NELL2: variants seen among roughly 807,000 people sequenced by gnomAD.
NELL2 encodes neural EGFL like 2.
A neutral mutation model predicts 109.6 loss-of-function variants in NELL2; 41 were observed. The observed-to-expected ratio is 0.37, with a 90% CI of 0.29 to 0.49. The LOEUF is 0.49. NELL2 is among the 20% of genes least tolerant of loss of function. The pLI, the probability that NELL2 is intolerant of heterozygous loss-of-function variation, is 0.98. For missense variants in NELL2, 900 were observed against 1,008.3 expected, an observed-to-expected ratio of 0.89 and a Z score of 1.45; for synonymous variants, 355 against 344.7, an observed-to-expected ratio of 1.03 and a Z score of -0.33.
intron 11 of NELL2, among the ~76,000 whole-genome samples, chr12:44,710,379 T>G (rs1199969565): frequency 6.6e-6 from 1 of 152,146 alleles, no homozygotes; most frequent in African/African-American, 2.4e-5. Context: ...CAGTTATAAG[T>G]ACCAGCTACA....
At chr12:44,549,643 G>A (rs1343624562) in intron 15 of NELL2, among the ~76,000 whole-genome samples, 2 of 151,952 alleles carry the variant, frequency 1.3e-5, no homozygotes, top group Non-Finnish European at 2.9e-5. Context: ...TGAAAAAGAA[G>A]TTCAGAAAAC....
chr12:44,694,141 T>G (rs886566647), intron 12 of NELL2, among the ~76,000 whole-genome samples: 1 of 152,208 alleles, frequency 6.6e-6, no homozygotes, highest in African/African-American at 2.4e-5. Flanking sequence ...TGGGTGTGTT[T>G]GTGAGGGTGT....
chr12:44,876,580 A>T, upstream of NELL2: 1 of 1,527,834 alleles, frequency 6.5e-7, no homozygotes, highest in Non-Finnish European at 8.8e-7. Context: ...CCAAGGTGCT[A>T]AGTTGATGGG....
chr12:44,576,691 C>T (rs1344677735), intron 15 of NELL2, among the ~76,000 whole-genome samples: 1 of 152,152 alleles, frequency 6.6e-6, no homozygotes, highest in Non-Finnish European at 1.5e-5. Flanking sequence ...CAATGCTATT[C>T]CTCCCCCCAC....
At chr12:44,858,180 A>G (rs1944737751) in intron 2 of NELL2, among the ~76,000 whole-genome samples, 1 of 152,204 alleles carries the variant, frequency 6.6e-6, no homozygotes, top group East Asian at 1.9e-4. Flanking sequence ...TGAGGCAGAA[A>G]TAAGTAACAA....
Position 44,875,798 on chromosome 12 carries a change from G to T in NELL2, c.55+17C>A, listed in dbSNP as rs1474359198. 12 of 1,613,074 alleles carry T rather than the reference G, an allele frequency of 7.4e-6. No homozygotes were observed. Among genetic ancestry groups the T allele is most frequent in the Admixed American group, 5.0e-5 (3 of 60,002 alleles). On this transcript the variant is annotated intron_variant, in intron 1 of 19. Coordinates refer to ENST00000429094, the MANE Select transcript of NELL2 (RefSeq NM_001145108.2). ...GGAGCCATCCCTTTCCCCAGCCCCA[G>T]CTCTGCGGCCACTCACCTGCTCCGA...
At chr12:44,874,987 T>C in intron 2 of NELL2, 1 of 450,906 alleles carries the variant, frequency 2.2e-6, no homozygotes. Context: ...TGCTCAGTAA[T>C]TAAGGGACTA....
rs758934990 is a variant in NELL2, at chr12:44,711,377, A to C, written c.1104T>G (p.Leu368=). 2 of 1,612,354 alleles carry C rather than the reference A, an allele frequency of 1.2e-6. No homozygotes were observed. Among genetic ancestry groups the C allele is most frequent in the South Asian group, 2.2e-5 (2 of 91,064 alleles). ...AAGCTGGACAGCCTGAACTCTCAACAAGTTTCATGGTCTGGTCCTGTTAGA... is the reference window on the plus strand; with the variant it reads ...AAGCTGGACAGCCTGAACTCTCAACCAGTTTCATGGTCTGGTCCTGTTAGA... ...LYECKDQTMK[L]VESSGCPALD... The change falls in exon 11 of 20, where the codon CTT becomes CTG. Residue 368 remains leucine, a synonymous_variant. Transcript: ENST00000429094.
chr12:44,591,554 G>A (rs1944751142), intron 15 of NELL2, among the ~76,000 whole-genome samples: 1 of 152,082 alleles, frequency 6.6e-6, no homozygotes, highest in Non-Finnish European at 1.5e-5. Flanking sequence ...ACCCATACAT[G>A]GAACCTAAAA....
intron 2 of NELL2, among the ~76,000 whole-genome samples, chr12:44,872,401 C>T (rs1945189812): frequency 6.6e-6 from 1 of 152,008 alleles, no homozygotes; most frequent in Non-Finnish European, 1.5e-5. Flanking sequence ...ACAACAAAAC[C>T]ATTTTAGTGA....
At chr12:44,720,118 ATCTC>A (rs1317179548) in intron 9 of NELL2, among the ~76,000 whole-genome samples, 1 of 152,090 alleles carries the variant, frequency 6.6e-6, no homozygotes, top group Non-Finnish European at 1.5e-5. Context: ...ATACAAATTA[ATCTC>A]TCTCTCTTCT....
intron 2 of NELL2, among the ~76,000 whole-genome samples, chr12:44,832,263 T>C (rs539713468): frequency 1.3e-5 from 2 of 152,320 alleles, no homozygotes; most frequent in East Asian, 1.9e-4. Context: ...AGAAATTCTT[T>C]ATGTCTTTAG....
intron 3 of NELL2, among the ~76,000 whole-genome samples, chr12:44,787,361 T>C (rs1942216895): frequency 1.3e-5 from 2 of 152,134 alleles, no homozygotes; most frequent in South Asian, 2.1e-4. Context: ...GTGATATAAA[T>C]GTTTAATATA....
chr12:44,777,189 A>G (rs1398505390), intron 6 of NELL2, 53 bp downstream of exon 6: 1 of 1,608,576 alleles, frequency 6.2e-7, no homozygotes, highest in African/African-American at 1.3e-5. Flanking sequence ...GGTTAAGTCT[A>G]TGCTGACAAG....
intron 12 of NELL2, among the ~76,000 whole-genome samples, chr12:44,683,631 G>C (rs1097975): frequency 0.28 from 43,049 of 151,474 alleles, 6,266 homozygotes; most frequent in East Asian, 0.49. Flanking sequence ...TAGCATGAAG[G>C]GTTGCTGAAT....
At chr12:44,578,629 CT>C (rs35098523) in intron 15 of NELL2, among the ~76,000 whole-genome samples, 108,757 of 143,094 alleles carry the variant, frequency 0.76, 41,012 homozygotes, top group East Asian at 0.99. Context: ...CAAATATAGC[CT>C]TTTTTTTTTT....
chr12:44,847,994 T>C (rs1033113567), intron 2 of NELL2, among the ~76,000 whole-genome samples: 30 of 142,204 alleles, frequency 2.1e-4, no homozygotes, highest in African/African-American at 8.0e-4. Context: ...ATCGCACCAC[T>C]GCATCCGGTC....
chr12:44,621,583 A>T (rs112427110), intron 13 of NELL2, among the ~76,000 whole-genome samples: 224 of 152,274 alleles, frequency 1.5e-3, no homozygotes, highest in African/African-American at 4.8e-3. Context: ...ATCAATAAAG[A>T]TGCAAAATAG....
intron 12 of NELL2, among the ~76,000 whole-genome samples, chr12:44,672,553 A>G (rs182841152): frequency 7.0e-4 from 106 of 152,338 alleles, no homozygotes; most frequent in African/African-American, 2.5e-3. Context: ...AGCCTACCCC[A>G]GCAGAAGTAG....
Sources: gnomAD v4.1 joint callset for allele counts (sites outside exome capture counted in the v4.1 genomes callset) on GRCh38, gnomAD v4.1.1 for gene constraint, MANE v1.5 for transcripts, NCBI Gene and HGNC (gene_info 2026-07-23, HGNC 2026-07-21) for gene names.